The following GABBR2 variants were observed in gnomAD, a reference collection of about 807,000 sequenced individuals.
GABBR2 encodes gamma-aminobutyric acid type B receptor subunit 2.
GABBR2 carries 23 observed loss-of-function variants against 105.6 expected under a neutral mutation model. The observed-to-expected ratio is 0.22, with a 90% CI of 0.16 to 0.31. The LOEUF is 0.31. GABBR2 is among the 10% of genes least tolerant of loss of function. The pLI is 1.00. For synonymous variants in GABBR2, 478 were observed against 499.7 expected (o/e 0.96, Z 0.58); for missense variants, 734 against 1,245.5 (o/e 0.59, Z 6.18).
intron 7 of GABBR2, among the ~76,000 whole-genome samples, chr9:98,407,040 G>T (rs1832502959): frequency 6.6e-6 from 1 of 152,230 alleles, no homozygotes; most frequent in South Asian, 2.1e-4. Context: ...TGTAAGTGAG[G>T]CTGCTGGGAT....
At chr9:98,526,763 C>G (rs1827970176) in intron 3 of GABBR2, among the ~76,000 whole-genome samples, 1 of 152,142 alleles carries the variant, frequency 6.6e-6, no homozygotes, top group Non-Finnish European at 1.5e-5. Flanking sequence ...TACAAGGAAA[C>G]TGATGACTAT....
intron 1 of GABBR2, among the ~76,000 whole-genome samples, chr9:98,635,733 C>T (rs775250153): frequency 1.3e-5 from 2 of 152,116 alleles, no homozygotes; most frequent in Non-Finnish European, 2.9e-5. Context: ...GGAATGAGGA[C>T]AAGTTCACTG....
chr9:98,404,144 A>C (rs1832448327), intron 8 of GABBR2, among the ~76,000 whole-genome samples: 1 of 152,140 alleles, frequency 6.6e-6, no homozygotes, highest in Non-Finnish European at 1.5e-5. Context: ...ACTTTCTTAG[A>C]ATGATATAAT....
At chr9:98,440,315 G>C (rs1021104504) in intron 7 of GABBR2, among the ~76,000 whole-genome samples, 2 of 152,192 alleles carry the variant, frequency 1.3e-5, no homozygotes, top group Non-Finnish European at 2.9e-5. Context: ...CTTGATCTAA[G>C]GCACTATCTA....
intron 7 of GABBR2, among the ~76,000 whole-genome samples, chr9:98,443,125 GCATTCAAAACTGTTCAT>G (rs113915154): frequency 5.9e-5 from 9 of 152,236 alleles, no homozygotes; most frequent in African/African-American, 2.2e-4. Context: ...CATATAGTAG[GCATTCAAAACTGTTCAT>G]CATTCCTATT....
At chr9:98,363,167 T>A (rs1010610644) in intron 12 of GABBR2, among the ~76,000 whole-genome samples, 3 of 152,210 alleles carry the variant, frequency 2.0e-5, no homozygotes, top group African/African-American at 7.2e-5. Flanking sequence ...ATTCTTTCTA[T>A]TTGGCAAACT....
At chr9:98,354,580 T>C (rs941372825) in intron 13 of GABBR2, among the ~76,000 whole-genome samples, 2 of 152,368 alleles carry the variant, frequency 1.3e-5, no homozygotes, top group Non-Finnish European at 2.9e-5. Context: ...TTTTATGTTA[T>C]AGAGATGATT....
At chr9:98,659,610 C>T (rs1461904545) in intron 1 of GABBR2, among the ~76,000 whole-genome samples, 1 of 145,712 alleles carries the variant, frequency 6.9e-6, no homozygotes, top group Non-Finnish European at 1.5e-5. Flanking sequence ...CAATCTCTGC[C>T]TCCTGGTTCA....
chr9:98,475,336 A>G (rs376576050), intron 5 of GABBR2, among the ~76,000 whole-genome samples: 2 of 151,748 alleles, frequency 1.3e-5, no homozygotes, highest in African/African-American at 4.9e-5. Flanking sequence ...AATTTAGTCC[A>G]CAGAAACTTT....
chr9:98,680,292 A>T, intron 1 of GABBR2, among the ~76,000 whole-genome samples: 1 of 152,042 alleles, frequency 6.6e-6, no homozygotes, highest in East Asian at 1.9e-4. Flanking sequence ...TTCTATTATT[A>T]TCATTTTATT....
At chr9:98,619,384 C>T (rs1829637388) in intron 1 of GABBR2, among the ~76,000 whole-genome samples, 2 of 151,976 alleles carry the variant, frequency 1.3e-5, no homozygotes, top group South Asian at 4.2e-4. Flanking sequence ...AAAACAAGAT[C>T]ATTAAGTACA....
chr9:98,397,494 C>T (rs539097473), intron 8 of GABBR2, among the ~76,000 whole-genome samples: 3 of 152,096 alleles, frequency 2.0e-5, no homozygotes, highest in South Asian at 2.1e-4. Context: ...GGGTTAAAGA[C>T]GAGAATATAT....
intron 7 of GABBR2, among the ~76,000 whole-genome samples, chr9:98,414,831 T>C (rs569136442): frequency 2.0e-5 from 3 of 151,986 alleles, no homozygotes; most frequent in Admixed American, 2.0e-4. Flanking sequence ...TTCCCCGTTT[T>C]CCCCCCTGTC....
chr9:98,419,144 G>A (rs1046846535), intron 7 of GABBR2, among the ~76,000 whole-genome samples: 1 of 152,204 alleles, frequency 6.6e-6, no homozygotes, highest in Non-Finnish European at 1.5e-5. Flanking sequence ...TGGTGCAGCA[G>A]CCGTCCAGGC....
intron 18 of GABBR2, among the ~76,000 whole-genome samples, chr9:98,291,092 T>C (rs1482854315): frequency 6.6e-6 from 1 of 152,160 alleles, no homozygotes; most frequent in Non-Finnish European, 1.5e-5. Flanking sequence ...AAACCCATTG[T>C]AAGTTGAAAA....
intron 13 of GABBR2, among the ~76,000 whole-genome samples, chr9:98,319,819 T>C (rs553705231): frequency 3.9e-5 from 6 of 152,252 alleles, no homozygotes; most frequent in Admixed American, 1.3e-4. Flanking sequence ...GGGAGAGCCA[T>C]GCCTCTTGTG....
intron 13 of GABBR2, among the ~76,000 whole-genome samples, chr9:98,318,716 G>A (rs979899405): frequency 6.6e-6 from 1 of 152,218 alleles, no homozygotes; most frequent in African/African-American, 2.4e-5. Flanking sequence ...CTTTGAGGGA[G>A]GGGGTGCTTT....
intron 1 of GABBR2, among the ~76,000 whole-genome samples, chr9:98,605,866 C>T (rs575199471): frequency 1.5e-3 from 227 of 152,092 alleles, no homozygotes; most frequent in Non-Finnish European, 2.8e-3. Flanking sequence ...TGTTGGTGTG[C>T]TGCACCCGTT....
chr9:98,596,542 A>C (rs1415325775), intron 1 of GABBR2, among the ~76,000 whole-genome samples: 1 of 152,100 alleles, frequency 6.6e-6, no homozygotes, highest in Admixed American at 6.5e-5. Context: ...GATATCCTCA[A>C]AGCCCCCCTC....
Sources: gnomAD v4.1 joint callset for allele counts (sites outside exome capture counted in the v4.1 genomes callset) on GRCh38, gnomAD v4.1.1 for gene constraint, MANE v1.5 for transcripts, NCBI Gene and HGNC (gene_info 2026-07-23, HGNC 2026-07-21) for gene names.